DNAH1: variants seen among roughly 807,000 people sequenced by gnomAD.
The protein encoded by DNAH1 is dynein axonemal heavy chain 1.
DNAH1 carries 327 observed loss-of-function variants against 484.3 expected under a neutral mutation model. That is an observed-to-expected ratio of 0.68 (90% confidence interval 0.62 to 0.74). The LOEUF (loss-of-function observed/expected upper bound fraction) is 0.74. Among genes scored for constraint, DNAH1 ranks in the 30% least tolerant of loss-of-function variants. The pLI is 0.00. For synonymous variants in DNAH1, 2,192 were observed against 2,191.9 expected (o/e 1.00, Z 0.00); for missense variants, 5,052 against 5,546.8 (o/e 0.91, Z 2.83).
At chr3:52,365,726 G>A (rs1003207296) in intron 34 of DNAH1, among the ~76,000 whole-genome samples, 7 of 152,076 alleles carry the variant, frequency 4.6e-5, no homozygotes, top group South Asian at 2.1e-4. Flanking sequence ...GGCCCTTCTC[G>A]GGACCCTAGG....
At chr3:52,393,622 T>C (rs879741286) in intron 66 of DNAH1, 137 bp downstream of exon 66, 22 of 1,339,430 alleles carry the variant, frequency 1.6e-5, no homozygotes, top group African/African-American at 1.3e-4. Flanking sequence ...AATTCCTTGA[T>C]TAAAAGCAGC....
chr3:52,344,566 G>C lies in DNAH1; in HGVS notation c.1363G>C (p.Asp455His). 6.2e-7 allele frequency: 1 copy of C among 1,614,020 alleles called. No homozygotes were observed. Among genetic ancestry groups the C allele is most frequent in the Non-Finnish European group, 8.5e-7 (1 of 1,179,878 alleles). The part of the protein sequence containing the change: ...YERSMNKINF[D>H]HVVSSKPETF... ...GCGCAGCATGAACAAGATCAACTTTGACCACGTTGTCTCTTCCAAGCCCGA... is the reference window on the plus strand; with the variant it reads ...GCGCAGCATGAACAAGATCAACTTTCACCACGTTGTCTCTTCCAAGCCCGA... The change falls in exon 9 of 78, where the codon GAC (aspartate) becomes CAC (histidine). Residue 455 changes from aspartate (D) to histidine (H), a missense_variant. Coordinates refer to ENST00000420323, the MANE Select transcript of DNAH1 (RefSeq NM_015512.5).
At position 52,396,383 on chromosome 3, in the gene DNAH1, C is replaced by T. The variant is rs540632160; in HGVS notation, c.11275C>T (p.Arg3759Cys). The T allele has an allele frequency of 5.1e-6, 8 of 1,579,642 alleles. No individual in the cohort carries two copies. The East Asian group carries it at 7.0e-5, about 14-fold the overall frequency. Residue 3759 changes from arginine (R) to cysteine (C), a missense_variant, in exon 71 of 78, where the codon CGC becomes TGC. Physicochemically the swap from Arg to Cys is radical, Grantham distance 180. Transcript: ENST00000420323. ...INPDKVHRDF[R>C]LWLTSLPSNK... ...TGGCCACCAGGTACACAGGGACTTC[C>T]GCCTCTGGCTCACCAGCCTGCCCAG...
chr3:52,393,395 CGTCTGCCGCA>C lies in DNAH1; in HGVS notation c.10538_10547del (p.Val3513AlafsTer8). 6.2e-7 allele frequency: 1 copy of C among 1,614,042 alleles called. No individual in the cohort carries two copies. Among genetic ancestry groups the C allele is most frequent in the Non-Finnish European group, 8.5e-7 (1 of 1,179,906 alleles). ...ACCTGACCTACAGCCTCTACAGCAACGTCTGCCGCAGCCTCTTTGAGAAGCACAAGCTGAT... is the reference window on the plus strand; with the variant it reads ...ACCTGACCTACAGCCTCTACAGCAACGCCTCTTTGAGAAGCACAAGCTGAT... On this transcript the variant is annotated frameshift_variant, in exon 66 of 78. Coordinates refer to ENST00000420323, the MANE Select transcript of DNAH1 (RefSeq NM_015512.5). LOFTEE classifies it high-confidence loss of function.
Position 52,332,364 on chromosome 3 carries a change from T to A in DNAH1, c.1256T>A (p.Leu419Gln), listed in dbSNP as rs773721028. Reference protein sequence around the residue: ...QSLSKIKQWALSTPRMRKGPS... With the variant: ...QSLSKIKQWAQSTPRMRKGPS... ...CTGAGCAAGATCAAGCAGTGGGCCC[T>A]GAGCACGCCTCGGATGCGCAAAGGC... is the stretch of plus-strand genomic sequence containing the variant. Residue 419 changes from leucine (L) to glutamine (Q), a missense_variant, in exon 8 of 78, where the codon CTG becomes CAG. Coordinates refer to ENST00000420323, the MANE Select transcript of DNAH1 (RefSeq NM_015512.5). The A allele has an allele frequency of 1.2e-6, 2 of 1,613,828 alleles. No homozygotes were observed. Among genetic ancestry groups the A allele is most frequent in the South Asian group, 2.2e-5 (2 of 91,088 alleles).
In DNAH1 at chr3:52,353,339, T is replaced by C; in HGVS notation, c.3226+38T>C. On this transcript the variant is annotated intron_variant, in intron 19 of 77. Transcript: ENST00000420323. This position sits in a 1 kb window ranked among gnomAD's most constrained non-coding sequence, Gnocchi z 5.0. ...GCCGGCCAATCCCCTCCTCCCTGCC[T>C]CTGCCGCCTGCCTCTCATGCGTTTC... The C allele has an allele frequency of 6.2e-7, 1 of 1,608,422 alleles. No homozygotes were observed. The highest frequency in any genetic ancestry group is 8.5e-7 in the Non-Finnish European group (1 of 1,175,964).
intron 39 of DNAH1, 64 bp from the exon 40 acceptor site, chr3:52,370,413 C>A: frequency 6.2e-7 from 1 of 1,605,870 alleles, no homozygotes. Context: ...TGCCCCTGCC[C>A]CACTTCCTCA....
chr3:52,400,177 G>A, intron 77 of DNAH1, 148 bp from the exon 78 acceptor site: 1 of 1,103,334 alleles, frequency 9.1e-7, no homozygotes, highest in Non-Finnish European at 1.3e-6. Flanking sequence ...TTGAACCCTG[G>A]CCAGACCCCC....
Position 52,322,617 on chromosome 3 carries a change from C to T in DNAH1, c.175C>T (p.Leu59Phe). Residue 59 changes from leucine to phenylalanine, a missense_variant, in exon 2 of 78, where the codon CTC becomes TTC. This residue lies in a region of DNAH1 where 1,263 missense variants were observed against 1,218.8 expected (regional missense o/e 1.04). Coordinates refer to ENST00000420323, the MANE Select transcript of DNAH1 (RefSeq NM_015512.5). ...AAATCCTCCAGCCCTTGACCCCAAG[C>T]TCCCACATTTACCCCTGCCCCCGGC... The part of the protein sequence containing the change: ...LGNPPALDPK[L>F]PHLPLPPAPP... 6.2e-7 allele frequency: 1 copy of T among 1,613,858 alleles called. No individual in the cohort carries two copies. Among genetic ancestry groups the T allele is most frequent in the Non-Finnish European group, 8.5e-7 (1 of 1,179,842 alleles).
upstream of DNAH1, among the ~76,000 whole-genome samples, chr3:52,314,060 G>A (rs1700874781): frequency 6.6e-6 from 1 of 152,204 alleles, no homozygotes; most frequent in Admixed American, 6.5e-5. Context: ...GCTCAGCTAA[G>A]CCTCAGCAAA....
intron 49 of DNAH1, among the ~76,000 whole-genome samples, chr3:52,382,048 G>A (rs761700040): frequency 4.6e-5 from 7 of 152,206 alleles, no homozygotes; most frequent in Non-Finnish European, 8.8e-5. Flanking sequence ...GAAGTGTGGT[G>A]CAGGCATCCC....
In DNAH1 at chr3:52,322,787, A is replaced by G. The variant is rs1394148168; in HGVS notation, c.333+12A>G. The G allele has an allele frequency of 1.9e-6, 3 of 1,583,244 alleles. No individual in the cohort carries two copies. The highest frequency in any genetic ancestry group is 2.7e-5 in the African/African-American group (2 of 74,152). On this transcript the variant is annotated intron_variant, in intron 2 of 77. Coordinates refer to ENST00000420323, the MANE Select transcript of DNAH1 (RefSeq NM_015512.5). ...TAGATCAACTTGGGGTGAGTATGGCAGCCATCCCCTACCAAGCCTCAACCC... is the reference window on the plus strand; with the variant it reads ...TAGATCAACTTGGGGTGAGTATGGCGGCCATCCCCTACCAAGCCTCAACCC...
In DNAH1 at chr3:52,349,414, G is replaced by A; in HGVS notation, c.2520G>A (p.Val840=). 1.2e-6 allele frequency: 2 copies of A among 1,613,680 alleles called. No homozygotes were observed. The highest frequency in any genetic ancestry group is 1.7e-6 in the Non-Finnish European group (2 of 1,179,838). ...DILAKNLHKE[V]DSICEEFRSI... ...TTGCCAAGAACCTGCATAAGGAGGTGGATAGCGTAAGTGCCCACCTGCCCC... is the reference window on the plus strand; with the variant it reads ...TTGCCAAGAACCTGCATAAGGAGGTAGATAGCGTAAGTGCCCACCTGCCCC... The change falls in exon 14 of 78, where the codon GTG becomes GTA. Residue 840 remains valine (V), a synonymous_variant. Transcript: ENST00000420323.
Position 52,390,996 on chromosome 3 carries a change from A to G in DNAH1, c.9683A>G (p.Gln3228Arg), listed in dbSNP as rs1309871822. ...AACGGGGTCATCAACCAGTTTTCCCAGCGCTGGACCCACTTCATTGACCCT... is the reference window on the plus strand; with the variant it reads ...AACGGGGTCATCAACCAGTTTTCCCGGCGCTGGACCCACTTCATTGACCCT... ...VENGVINQFS[Q>R]RWTHFIDPQS... is the part of the protein sequence containing the mutation. Residue 3228 changes from glutamine (Q) to arginine (R), a missense_variant, in exon 61 of 78, where the codon CAG becomes CGG. This residue lies in a region of DNAH1 where 2,929 missense variants were observed against 3,409.4 expected (regional missense o/e 0.86). Coordinates refer to ENST00000420323, the MANE Select transcript of DNAH1 (RefSeq NM_015512.5). 6.4e-7 allele frequency: 1 copy of G among 1,554,114 alleles called. No homozygotes were observed. Among genetic ancestry groups the G allele is most frequent in the Admixed American group, 2.0e-5 (1 of 51,194 alleles).
chr3:52,392,363 C>T, intron 63 of DNAH1, 101 bp from the exon 64 acceptor site: 2 of 1,095,112 alleles, frequency 1.8e-6, no homozygotes, highest in Non-Finnish European at 2.7e-6. Context: ...ATGCTGGGCT[C>T]TTGGAGCCCC....
intron 8 of DNAH1, among the ~76,000 whole-genome samples, chr3:52,340,408 TTTTATTTA>T (rs55652606): frequency 1.1e-4 from 16 of 148,270 alleles, no homozygotes; most frequent in African/African-American, 2.0e-4. Context: ...TCTGGTAGGA[TTTTATTTA>T]TTTATTTATT....
Position 52,381,706 on chromosome 3 carries a change from G to A in DNAH1, c.7675G>A (p.Val2559Ile), listed in dbSNP as rs1011547576. 3 of 1,607,036 alleles carry A rather than the reference G, an allele frequency of 1.9e-6. No individual in the cohort carries two copies. The African/African-American group carries it at 4.0e-5, about 21-fold the overall frequency. ...GATCAACACGGCCAAGCTGAAGCTG[G>A]TCCTCTTCATGGACGCCATGAGCCA... is the stretch of plus-strand genomic sequence containing the variant. ...NQINTAKLKL[V>I]LFMDAMSHIC... Residue 2559 changes from valine to isoleucine, a missense_variant, in exon 49 of 78, where the codon GTC becomes ATC. Physicochemically the swap from Val to Ile is conservative, Grantham distance 29 (BLOSUM62 3). This residue lies in a region of DNAH1 where 2,929 missense variants were observed against 3,409.4 expected (regional missense o/e 0.86). Transcript: ENST00000420323. This position sits in a 1 kb window ranked among gnomAD's most constrained non-coding sequence, Gnocchi z 4.1.
chr3:52,366,872 T>G lies in DNAH1; in HGVS notation c.5750T>G (p.Leu1917Arg), dbSNP rs758687350. ...TMGQLYGEFD[L>R]LTHEWTDGIF... is the part of the protein sequence containing the mutation. Reference sequence around the variant, plus strand: ...GGCCAGCTGTACGGGGAGTTTGACCTCCTCACCCATGAGTGGTGAGTGACC... The same window carrying G: ...GGCCAGCTGTACGGGGAGTTTGACCGCCTCACCCATGAGTGGTGAGTGACC... The change falls in exon 36 of 78, where the codon CTC (leucine) becomes CGC (arginine). Residue 1917 changes from leucine (L) to arginine (R), a missense_variant. This residue lies in a region of DNAH1 where 2,929 missense variants were observed against 3,409.4 expected (regional missense o/e 0.86). Coordinates refer to ENST00000420323, the MANE Select transcript of DNAH1 (RefSeq NM_015512.5). The G allele has an allele frequency of 1.9e-6, 3 of 1,612,936 alleles. No homozygotes were observed. The East Asian group carries it at 6.7e-5, about 36-fold the overall frequency.
Position 52,398,037 on chromosome 3 carries a change from G to A in DNAH1, c.11964G>A (p.Val3988=). 1.2e-6 allele frequency: 2 copies of A among 1,613,504 alleles called. No individual in the cohort carries two copies. Among genetic ancestry groups the A allele is most frequent in the Non-Finnish European group, 1.7e-6 (2 of 1,179,650 alleles). Reference sequence around the variant, plus strand: ...GTATTCCTTTGCCCCTGCAGATAGTGGAGGACGTCACCCAAAACATTCTGC... The same window carrying A: ...GTATTCCTTTGCCCCTGCAGATAGTAGAGGACGTCACCCAAAACATTCTGC... The part of the protein sequence containing the change: ...SAGSQGREEI[V]EDVTQNILLK... The change falls in exon 75 of 78, where the codon GTG becomes GTA. Residue 3988 remains valine (V), a synonymous_variant. Coordinates refer to ENST00000420323, the MANE Select transcript of DNAH1 (RefSeq NM_015512.5).
Sources: allele counts gnomAD v4.1 joint callset (sites outside exome capture counted in the v4.1 genomes callset), GRCh38; gene constraint gnomAD v4.1.1; regional missense constraint gnomAD v4.1.1; non-coding constraint Gnocchi (gnomAD v3.1); transcripts MANE v1.5; gene names NCBI Gene and HGNC (gene_info 2026-07-23, HGNC 2026-07-21).